The following DLG2 variants were observed in gnomAD, a reference collection of about 807,000 sequenced individuals.
The protein encoded by DLG2 is discs large MAGUK scaffold protein 2.
Under a neutral mutation model 132.5 loss-of-function variants are expected in DLG2, and 45 were observed. The observed-to-expected ratio is 0.34, with a 90% CI of 0.27 to 0.44. The LOEUF (loss-of-function observed/expected upper bound fraction) is 0.44. Among genes scored for constraint, DLG2 ranks in the 20% least tolerant of loss-of-function variants. The probability of loss-of-function intolerance (pLI) is 1.00; values close to 1 mark genes in which losing one functional copy is unlikely to be tolerated. For missense variants in DLG2, 1,045 were observed against 1,196.9 expected, an observed-to-expected ratio of 0.87 and a Z score of 1.87; for synonymous variants, 424 against 419.6, an observed-to-expected ratio of 1.01 and a Z score of -0.13.
At chr11:84,154,741 A>G (rs1025698504) in intron 9 of DLG2, among the ~76,000 whole-genome samples, 8 of 151,972 alleles carry the variant, frequency 5.3e-5, no homozygotes, top group African/African-American at 1.9e-4. Context: ...GACTGAGAAC[A>G]TGCAGTGTTT....
chr11:84,155,371 G>A (rs905281908), intron 9 of DLG2, among the ~76,000 whole-genome samples: 7 of 151,686 alleles, frequency 4.6e-5, no homozygotes, highest in East Asian at 1.9e-4. Flanking sequence ...AACTTTCAAC[G>A]TTTTATTTCA....
Position 84,066,709 on chromosome 11 carries a change from C to T in DLG2, c.750-7225G>A, listed in dbSNP as rs376576728. ...CTGGGAGGCAGAGGTTGCAGTGAGC[C>T]GAGATCGTGCCACTGCACTCCAGCC... On this transcript the variant is annotated intron_variant, in intron 10 of 27. Coordinates refer to ENST00000376104, the MANE Select transcript of DLG2 (RefSeq NM_001142699.3). Among the ~76,000 whole-genome samples, 5 of 151,838 alleles carry T rather than the reference C, an allele frequency of 3.3e-5. No individual in the cohort carries two copies. In the East Asian group the frequency reaches 7.8e-4, roughly 24 times the overall value.
chr11:85,573,768 TTCTAGCCCTAA>T (rs1433587828), intron 3 of DLG2, among the ~76,000 whole-genome samples: 1 of 152,214 alleles, frequency 6.6e-6, no homozygotes, highest in Middle Eastern at 3.2e-3. Flanking sequence ...AGTCATCTAT[TTCTAGCCCTAA>T]TCTCTGTCAC....
At chr11:85,273,990 C>A (rs2077716804) in intron 4 of DLG2, among the ~76,000 whole-genome samples, 1 of 152,134 alleles carries the variant, frequency 6.6e-6, no homozygotes, top group Non-Finnish European at 1.5e-5. Context: ...TCATTCTCAG[C>A]AAACTATCAC....
intron 18 of DLG2, among the ~76,000 whole-genome samples, chr11:83,638,498 C>T (rs2065449562): frequency 6.6e-6 from 1 of 152,182 alleles, no homozygotes; most frequent in Admixed American, 6.5e-5. Context: ...TAATGACTGT[C>T]AATTCTTTCT....
At chr11:83,557,862 CAG>C (rs1355960084) in intron 19 of DLG2, among the ~76,000 whole-genome samples, 1 of 152,032 alleles carries the variant, frequency 6.6e-6, no homozygotes, top group East Asian at 1.9e-4. Context: ...TTAATCAAGG[CAG>C]ACTGTTTGTC....
At chr11:83,700,369 T>C (rs1244798078) in intron 18 of DLG2, among the ~76,000 whole-genome samples, 2 of 152,144 alleles carry the variant, frequency 1.3e-5, no homozygotes, top group Non-Finnish European at 2.9e-5. Flanking sequence ...TCATTGAGAC[T>C]TAAGGAGCAA....
intron 18 of DLG2, among the ~76,000 whole-genome samples, chr11:83,783,846 T>C (rs1479817270): frequency 7.2e-5 from 11 of 152,166 alleles, no homozygotes; most frequent in Admixed American, 7.2e-4. Context: ...TCTCTGACAT[T>C]CCATAATTCC....
At chr11:85,550,771 A>G (rs1297592074) in intron 3 of DLG2, among the ~76,000 whole-genome samples, 1 of 152,252 alleles carries the variant, frequency 6.6e-6, no homozygotes, top group Non-Finnish European at 1.5e-5. Context: ...TTCTCTGGCT[A>G]ACTCTCCAGT....
chr11:84,197,036 C>CAAAAAAAAAAAAAAAAAAAAA (rs60877284), intron 8 of DLG2, among the ~76,000 whole-genome samples: 25 of 87,916 alleles, frequency 2.8e-4, no homozygotes, highest in Admixed American at 6.1e-4. Context: ...GACTCTTTCT[C>CAAAAAAAAAAAAAAAAAAAAA]AAAAAAAAAA....
intron 15 of DLG2, among the ~76,000 whole-genome samples, chr11:83,883,971 GC>G (rs1237860084): frequency 6.7e-6 from 1 of 148,288 alleles, no homozygotes; most frequent in Non-Finnish European, 1.5e-5. Context: ...AGCCAAGATG[GC>G]CGAATAGGAA....
At position 84,272,252 on chromosome 11, in the gene DLG2, A is replaced by C. The variant is rs1163170273; in HGVS notation, c.520-20961T>G. ...ACAGGGAAAAATATGATGGCATCTA[A>C]CTTGAGTCACTTGAAAATAACATGA... is the stretch of plus-strand genomic sequence containing the variant. On this transcript the variant is annotated intron_variant, in intron 7 of 27. Coordinates refer to ENST00000376104, the MANE Select transcript of DLG2 (RefSeq NM_001142699.3). 4 of 431,146 alleles carry C rather than the reference A, an allele frequency of 9.3e-6. No individual in the cohort carries two copies. In the Admixed American group the frequency reaches 1.0e-4, roughly 11 times the overall value. The allele number at this position is 431,146 out of a possible 1,614,324, so 26.7% of individuals were successfully genotyped here.
chr11:84,296,989 G>C (rs897624852), intron 7 of DLG2, among the ~76,000 whole-genome samples: 2 of 152,002 alleles, frequency 1.3e-5, no homozygotes, highest in African/African-American at 2.4e-5. Flanking sequence ...GCAGATATTG[G>C]GTGGGGATGA....
At chr11:83,684,732 C>T (rs1396071535) in intron 18 of DLG2, among the ~76,000 whole-genome samples, 2 of 152,112 alleles carry the variant, frequency 1.3e-5, no homozygotes, top group Non-Finnish European at 2.9e-5. Context: ...CTTCTCAGTG[C>T]CTTCCACCTA....
At chr11:84,658,079 T>C (rs1458078147) in intron 6 of DLG2, among the ~76,000 whole-genome samples, 1 of 152,186 alleles carries the variant, frequency 6.6e-6, no homozygotes, top group Non-Finnish European at 1.5e-5. Context: ...AAATGGGGAA[T>C]ACAGTGGGTG....
chr11:85,469,990 A>C (rs1461181944), intron 3 of DLG2, among the ~76,000 whole-genome samples: 1 of 152,150 alleles, frequency 6.6e-6, no homozygotes, highest in East Asian at 1.9e-4. Flanking sequence ...ACAAGGCTCT[A>C]CAAGATCTGC....
chr11:83,700,140 G>A (rs957958057), intron 18 of DLG2, among the ~76,000 whole-genome samples: 1 of 151,888 alleles, frequency 6.6e-6, no homozygotes, highest in Non-Finnish European at 1.5e-5. Flanking sequence ...GATAGCAATT[G>A]GTACATACCT....
chr11:84,450,913 G>C (rs1420167066), intron 7 of DLG2, among the ~76,000 whole-genome samples: 4 of 151,594 alleles, frequency 2.6e-5, no homozygotes, highest in African/African-American at 9.7e-5. Context: ...ATTCATGCTT[G>C]AAAGAAGAAA....
intron 6 of DLG2, among the ~76,000 whole-genome samples, chr11:85,044,118 C>T (rs886806085): frequency 3.9e-5 from 6 of 151,970 alleles, no homozygotes; most frequent in African/African-American, 1.4e-4. Flanking sequence ...CATCTTGTTT[C>T]ACTTAGTAAC....
Sources: allele counts gnomAD v4.1 joint callset (sites outside exome capture counted in the v4.1 genomes callset), GRCh38; gene constraint gnomAD v4.1.1; transcripts MANE v1.5; gene names NCBI Gene and HGNC (gene_info 2026-07-23, HGNC 2026-07-21).